RNF214: variants seen among roughly 807,000 people sequenced by gnomAD.
RNF214 encodes ring finger protein 214.
In RNF214, 25 loss-of-function variants were observed where a neutral mutation model predicts 75.9. The ratio of observed to expected loss-of-function variants is 0.33; its 90% CI spans 0.24 to 0.46. The LOEUF (loss-of-function observed/expected upper bound fraction) is 0.46. RNF214 is among the 20% of genes least tolerant of loss of function. RNF214 has a pLI of 1.00. For missense variants in RNF214, 725 were observed against 857.5 expected (o/e 0.85, Z 1.93); for synonymous variants, 314 against 308.8 (o/e 1.02, Z -0.18).
At chr11:117,271,441 C>A (rs2033908145) in intron 6 of RNF214, among the ~76,000 whole-genome samples, 1 of 152,254 alleles carries the variant, frequency 6.6e-6, no homozygotes, top group African/African-American at 2.4e-5. Flanking sequence ...GGGCTGCTTT[C>A]ATGTGTATTC....
At position 117,257,008 on chromosome 11, in the gene RNF214, G is replaced by A. The variant is rs866096359; in HGVS notation, c.959+10060G>A. Among the ~76,000 whole-genome samples, 4 of 152,278 alleles carry A rather than the reference G, an allele frequency of 2.6e-5. No individual in the cohort carries two copies. In the Middle Eastern group the frequency reaches 0.01, roughly 388 times the overall value. ...GAGACAGAGACTGGGACATCAGCCA[G>A]TACACTCTTTGCAATAAAGTGAGTA... On this transcript the variant is annotated intron_variant, in intron 6 of 14. Transcript: ENST00000300650.
At chr11:117,255,343 A>G (rs1377153504) in intron 6 of RNF214, among the ~76,000 whole-genome samples, 1 of 152,046 alleles carries the variant, frequency 6.6e-6, no homozygotes, top group Non-Finnish European at 1.5e-5. Context: ...CTATTTCTCC[A>G]TAGATGACTC....
intron 6 of RNF214, among the ~76,000 whole-genome samples, chr11:117,265,931 T>G (rs1462530004): frequency 6.6e-6 from 1 of 152,216 alleles, no homozygotes; most frequent in Admixed American, 6.5e-5. Context: ...AAGTAAACAC[T>G]GAGCTGTGTC....
At chr11:117,239,419 C>A (rs1014557140) in intron 3 of RNF214, 15 of 460,114 alleles carry the variant, frequency 3.3e-5, no homozygotes, top group Non-Finnish European at 5.4e-5. Flanking sequence ...TCATCTTTGA[C>A]CTTGCAGGAA....
chr11:117,255,875 C>T (rs984646118), intron 6 of RNF214, among the ~76,000 whole-genome samples: 1 of 152,188 alleles, frequency 6.6e-6, no homozygotes, highest in South Asian at 2.1e-4. Context: ...TTCCAAGATA[C>T]AAATCTGATA....
chr11:117,279,911 G>A lies in RNF214; in HGVS notation c.963G>A (p.Glu321=), dbSNP rs761949920. 4 of 1,605,888 alleles carry A rather than the reference G, an allele frequency of 2.5e-6. No homozygotes were observed. The highest frequency in any genetic ancestry group is 3.4e-5 in the Admixed American group (2 of 59,436). The change falls in exon 7 of 15, where the codon GAG becomes GAA. Residue 321 remains glutamate, a synonymous_variant. Transcript: ENST00000300650. ...TTCTTGGTTTCTTATCTTACAGAGA[G>A]GTGTGGGAAATGGAACTGGATAGAC... ...IEKLCEKGRR[E]VWEMELDRLK... is the part of the protein sequence containing the mutation.
At position 117,244,492 on chromosome 11, in the gene RNF214, G is replaced by C. The variant is rs923180757; in HGVS notation, c.726G>C (p.Glu242Asp). ...ERTLLKERYQEVLDKQRQVEN... is the reference protein window; with the variant it reads ...ERTLLKERYQDVLDKQRQVEN... ...CCCTGTTGAAAGAGCGTTACCAGGA[G>C]GTCCTGGACAAACAGAGGCAAGTGG... Residue 242 changes from glutamate to aspartate, a missense_variant, in exon 5 of 15, where the codon GAG becomes GAC. Coordinates refer to ENST00000300650, the MANE Select transcript of RNF214 (RefSeq NM_207343.4). The C allele has an allele frequency of 3.7e-6, 6 of 1,612,034 alleles. No individual in the cohort carries two copies. The highest frequency in any genetic ancestry group is 1.6e-4 in the Middle Eastern group (1 of 6,078).
At chr11:117,259,735 C>A (rs1467394005) in intron 6 of RNF214, among the ~76,000 whole-genome samples, 1 of 151,774 alleles carries the variant, frequency 6.6e-6, no homozygotes, top group East Asian at 1.9e-4. Context: ...TGGGAAGTGT[C>A]TAACTTTTTT....
chr11:117,275,672 C>T (rs541500529), intron 6 of RNF214, among the ~76,000 whole-genome samples: 9 of 152,112 alleles, frequency 5.9e-5, no homozygotes, highest in Non-Finnish European at 1.2e-4. Context: ...ACACACAACC[C>T]CCCAAGCTTG....
At position 117,285,304 on chromosome 11, in the gene RNF214, C is replaced by A; in HGVS notation, c.*153C>A. ...AATGTGTGTATAGAAAGTCTGTATT[C>A]CAATGTTCGTAAATGAAACTATGTA... On this transcript the variant is annotated 3_prime_UTR_variant, in exon 15 of 15. Coordinates refer to ENST00000300650, the MANE Select transcript of RNF214 (RefSeq NM_207343.4). 1.8e-6 allele frequency: 1 copy of A among 559,758 alleles called. No homozygotes were observed. Among genetic ancestry groups the A allele is most frequent in the Non-Finnish European group, 3.2e-6 (1 of 314,326 alleles). The allele number at this position is 559,758 out of a possible 1,614,324, so 34.7% of individuals were successfully genotyped here. A position where few individuals can be genotyped will look rare whatever the true frequency, so the allele number is the denominator to read the frequency against.
intron 6 of RNF214, among the ~76,000 whole-genome samples, chr11:117,250,096 A>G (rs1036726888): frequency 2.0e-5 from 3 of 152,200 alleles, no homozygotes; most frequent in African/African-American, 7.2e-5. Flanking sequence ...GATGATTGCA[A>G]AATAGTGTAA....
At chr11:117,243,572 A>T (rs1430141397) in intron 4 of RNF214, among the ~76,000 whole-genome samples, 1 of 152,202 alleles carries the variant, frequency 6.6e-6, no homozygotes, top group Non-Finnish European at 1.5e-5. Flanking sequence ...TTTAAATATT[A>T]TATGGGCTAC....
chr11:117,279,323 CTTTTTTT>C (rs34196418), intron 6 of RNF214, among the ~76,000 whole-genome samples: 6 of 104,356 alleles, frequency 5.7e-5, no homozygotes, highest in South Asian at 3.1e-4. Context: ...GAGATACAAA[CTTTTTTT>C]TTTTTTTTTT....
At chr11:117,264,501 C>T (rs2033751450) in intron 6 of RNF214, among the ~76,000 whole-genome samples, 1 of 151,850 alleles carries the variant, frequency 6.6e-6, no homozygotes, top group South Asian at 2.1e-4. Flanking sequence ...TTGGATACAC[C>T]TACTATGTAC....
rs569083762 is a variant in RNF214, at chr11:117,271,389, A to G, written c.960-8519A>G. ...TTTGCATTTGCCGTCCCTGTGCTGC[A>G]GACTGGAAACTGCCTCCAGGCAGTG... is the stretch of plus-strand genomic sequence containing the variant. On this transcript the variant is annotated intron_variant, in intron 6 of 14. Transcript: ENST00000300650. Among the ~76,000 whole-genome samples the G allele has an allele frequency of 3.9e-5, 6 of 152,322 alleles. No individual in the cohort carries two copies. The East Asian group carries it at 7.7e-4, about 20-fold the overall frequency.
rs764809941 is a variant in RNF214, at chr11:117,234,356, C to G, written c.84C>G (p.Asp28Glu). Residue 28 changes from aspartate (D) to glutamate (E), a missense_variant, in exon 2 of 15, where the codon GAC (aspartate) becomes GAG (glutamate). Asp to Glu is a conservative substitution (Grantham distance 45). Around this residue, in one of 2 missense-constraint regions of RNF214, gnomAD observed 362 missense variants for 344.5 expected, o/e 1.05. Coordinates refer to ENST00000300650, the MANE Select transcript of RNF214 (RefSeq NM_207343.4). ...CTAGTTTATGTGCTTCCAAATCAGACGAAGGTCTCCCAGATGGTCTAAGGT... is the reference window on the plus strand; with the variant it reads ...CTAGTTTATGTGCTTCCAAATCAGAGGAAGGTCTCCCAGATGGTCTAAGGT... The part of the protein sequence containing the change: ...ESSSLCASKS[D>E]EGLPDGLSTK... 1 of 1,613,690 alleles carries G rather than the reference C, an allele frequency of 6.2e-7. No homozygotes were observed.
intron 6 of RNF214, among the ~76,000 whole-genome samples, chr11:117,247,711 C>T (rs899425154): frequency 1.2e-4 from 18 of 151,980 alleles, no homozygotes; most frequent in South Asian, 2.1e-4. Context: ...ATTAGCCAGG[C>T]GTGGCGGCGT....
intron 6 of RNF214, among the ~76,000 whole-genome samples, chr11:117,264,367 A>C (rs576479101): frequency 1.8e-4 from 27 of 152,224 alleles, no homozygotes; most frequent in African/African-American, 6.5e-4. Flanking sequence ...TTTTCTTTAC[A>C]GAAGGGAAAG....
At chr11:117,236,494 G>A (rs1340178999) in intron 2 of RNF214, among the ~76,000 whole-genome samples, 4 of 151,848 alleles carry the variant, frequency 2.6e-5, no homozygotes, top group African/African-American at 9.7e-5. Flanking sequence ...GGATGGTCTC[G>A]ATCTTCCGAC....
Sources: allele counts gnomAD v4.1 joint callset (sites outside exome capture counted in the v4.1 genomes callset), GRCh38; gene constraint gnomAD v4.1.1; regional missense constraint gnomAD v4.1.1; transcripts MANE v1.5; gene names NCBI Gene and HGNC (gene_info 2026-07-23, HGNC 2026-07-21).